Variants in CACNB2 observed in about 807,000 individuals in gnomAD.
CACNB2 encodes the protein voltage-dependent L-type calcium channel subunit beta-2.
CACNB2 carries 42 observed loss-of-function variants against 73.3 expected under a neutral mutation model. That is an observed-to-expected ratio of 0.57 (90% CI 0.45 to 0.74). The LOEUF (loss-of-function observed/expected upper bound fraction) is 0.74, where lower values mean the gene tolerates loss of function less well. Among genes scored for constraint, CACNB2 ranks in the 30% least tolerant of loss-of-function variants. CACNB2 has a pLI of 0.00. For missense variants in CACNB2, 940 were observed against 853.0 expected, an observed-to-expected ratio of 1.10 and a Z score of -1.27; for synonymous variants, 348 against 310.3, an observed-to-expected ratio of 1.12 and a Z score of -1.28.
intron 3 of CACNB2, among the ~76,000 whole-genome samples, chr10:18,495,234 TTAGA>T (rs1357294890): frequency 2.0e-5 from 3 of 151,798 alleles, no homozygotes; most frequent in Non-Finnish European, 4.4e-5. Context: ...TTTTTTTTTT[TTAGA>T]TAGAGTCTCA....
At chr10:18,495,545 CTGTGTGTGTGTGTG>C (rs59858946) in intron 3 of CACNB2, among the ~76,000 whole-genome samples, 25,023 of 124,584 alleles carry the variant, frequency 0.2, 2,626 homozygotes, top group East Asian at 0.5. Context: ...AGTATAAAAA[CTGTGTGTGTGTGTG>C]TGTGTGTGTG....
Position 18,539,740 on chromosome 10 carries a change from G to GTTTTTTTTT in CACNB2, c.*27_*35dup. 1 of 1,448,640 alleles carries GTTTTTTTTT rather than the reference G, an allele frequency of 6.9e-7. No individual in the cohort carries two copies. Among genetic ancestry groups the GTTTTTTTTT allele is most frequent in the South Asian group, 1.3e-5 (1 of 79,292 alleles). The allele number at this position is 1,448,640 out of a possible 1,614,324, so 89.7% of individuals were successfully genotyped here. A position where few individuals can be genotyped will look rare whatever the true frequency, so the allele number is the denominator to read the frequency against. On this transcript the variant is annotated 3_prime_UTR_variant, in exon 14 of 14. Coordinates refer to ENST00000324631, the MANE Select transcript of CACNB2 (RefSeq NM_201596.3). The stretch of plus-strand genomic sequence containing the variant: ...CCGCCAATGAGTTTTGCCCGTTTGT[G>GTTTTTTTTT]TTTTTTTTTTTTTTTTTTTGAAGTC...
intron 2 of CACNB2, among the ~76,000 whole-genome samples, chr10:18,190,949 C>T (rs775879925): frequency 6.6e-6 from 1 of 152,216 alleles, no homozygotes; most frequent in Non-Finnish European, 1.5e-5. Context: ...GGTGTGATAT[C>T]ATTAGATTTG....
chr10:18,397,242 A>G (rs1383982792), intron 2 of CACNB2, among the ~76,000 whole-genome samples: 1 of 152,164 alleles, frequency 6.6e-6, no homozygotes, highest in Non-Finnish European at 1.5e-5. Flanking sequence ...CGAGGTGGGC[A>G]GATCACCTGA....
At chr10:18,208,953 C>T (rs1242098295) in intron 2 of CACNB2, among the ~76,000 whole-genome samples, 1 of 152,184 alleles carries the variant, frequency 6.6e-6, no homozygotes, top group African/African-American at 2.4e-5. Context: ...AGCACATCAT[C>T]GTTGGCATTT....
intron 3 of CACNB2, among the ~76,000 whole-genome samples, chr10:18,419,694 A>G (rs2045211749): frequency 6.6e-6 from 1 of 152,218 alleles, no homozygotes; most frequent in Admixed American, 6.5e-5. Context: ...TATTTAAAAC[A>G]ATTTATTAGC....
At chr10:18,377,662 T>G (rs1040170330) in intron 2 of CACNB2, among the ~76,000 whole-genome samples, 13 of 152,228 alleles carry the variant, frequency 8.5e-5, no homozygotes, top group African/African-American at 3.1e-4. Flanking sequence ...AAAGAGGCAG[T>G]GGATCAACTT....
intron 3 of CACNB2, among the ~76,000 whole-genome samples, chr10:18,452,410 A>T (rs2047060477): frequency 6.6e-6 from 1 of 152,218 alleles, no homozygotes; most frequent in Non-Finnish European, 1.5e-5. Flanking sequence ...TCTGAGTGGC[A>T]GAGAAACACT....
chr10:18,279,795 G>T (rs573892611), intron 2 of CACNB2, among the ~76,000 whole-genome samples: 9 of 152,138 alleles, frequency 5.9e-5, no homozygotes, highest in African/African-American at 1.9e-4. Flanking sequence ...TTTTCCACCC[G>T]AGAGCTGGGC....
intron 5 of CACNB2, among the ~76,000 whole-genome samples, chr10:18,505,695 G>C (rs1309760783): frequency 6.6e-6 from 1 of 152,140 alleles, no homozygotes; most frequent in African/African-American, 2.4e-5. Flanking sequence ...GGGTCATTCG[G>C]TAACACGTTA....
chr10:18,341,143 T>C (rs1051423929), intron 2 of CACNB2, among the ~76,000 whole-genome samples: 1 of 152,262 alleles, frequency 6.6e-6, no homozygotes, highest in Non-Finnish European at 1.5e-5. Flanking sequence ...ATTACTTTAA[T>C]GCTGTGGTGA....
At chr10:18,282,384 A>T (rs911481034) in intron 2 of CACNB2, among the ~76,000 whole-genome samples, 1 of 152,142 alleles carries the variant, frequency 6.6e-6, no homozygotes, top group Admixed American at 6.5e-5. Flanking sequence ...TCCGTGTGTG[A>T]GCACTAGATG....
At chr10:18,272,917 G>T (rs1349405857) in intron 2 of CACNB2, among the ~76,000 whole-genome samples, 1 of 152,202 alleles carries the variant, frequency 6.6e-6, no homozygotes, top group Non-Finnish European at 1.5e-5. Flanking sequence ...TCCCAGGGAT[G>T]TTGGTCCCCA....
intron 2 of CACNB2, among the ~76,000 whole-genome samples, chr10:18,322,013 A>G (rs66483306): frequency 0.35 from 52,648 of 151,874 alleles, 9,650 homozygotes; most frequent in African/African-American, 0.42. Context: ...AAAATTAGCC[A>G]GGCATGGTGG....
intron 2 of CACNB2, among the ~76,000 whole-genome samples, chr10:18,347,704 C>T (rs1475607204): frequency 6.6e-6 from 1 of 152,004 alleles, no homozygotes; most frequent in Admixed American, 6.6e-5. Flanking sequence ...ACTTTGAAGC[C>T]TGAGTAATTA....
intron 10 of CACNB2, among the ~76,000 whole-genome samples, chr10:18,530,721 C>A (rs751411420): frequency 1.3e-5 from 2 of 152,168 alleles, no homozygotes; most frequent in Non-Finnish European, 2.9e-5. Flanking sequence ...GTCAAACCAT[C>A]GTAAGTCATG....
At chr10:18,235,557 G>A (rs1427362863) in intron 2 of CACNB2, among the ~76,000 whole-genome samples, 3 of 152,208 alleles carry the variant, frequency 2.0e-5, no homozygotes, top group Non-Finnish European at 4.4e-5. Flanking sequence ...TTTTCCAAGA[G>A]ACAGAAGGGG....
At chr10:18,274,668 A>G (rs1290705166) in intron 2 of CACNB2, among the ~76,000 whole-genome samples, 3 of 152,122 alleles carry the variant, frequency 2.0e-5, no homozygotes, top group Non-Finnish European at 4.4e-5. Context: ...TTTAAAATGT[A>G]TTATTTTAAA....
rs1589568611 is a variant in CACNB2, at chr10:18,502,397, ACC to A, written c.593+1450_593+1451del. ...AAGCAAACTAACACAGGAATAGAAA[ACC>A]AAATACGGGGGCCACGTGCGGTGGC... On this transcript the variant is annotated intron_variant, in intron 5 of 13. Coordinates refer to ENST00000324631, the MANE Select transcript of CACNB2 (RefSeq NM_201596.3). 4.0e-5 allele frequency among the ~76,000 whole-genome samples: 6 copies of A among 151,834 alleles called. No individual in the cohort carries two copies. The East Asian group carries it at 1.2e-3, about 29-fold the overall frequency.
Sources: gnomAD v4.1 joint callset for allele counts (sites outside exome capture counted in the v4.1 genomes callset) on GRCh38, gnomAD v4.1.1 for gene constraint, MANE v1.5 for transcripts, NCBI Gene and HGNC (gene_info 2026-07-23, HGNC 2026-07-21) for gene names.